Variants in NAALADL2 observed in about 807,000 individuals in gnomAD.
NAALADL2 encodes N-acetylated alpha-linked acidic dipeptidase like 2.
A neutral mutation model predicts 87.2 loss-of-function variants in NAALADL2; 76 were observed. That is an observed-to-expected ratio of 0.87 (90% CI 0.72 to 1.05). The LOEUF (loss-of-function observed/expected upper bound fraction) is 1.05. NAALADL2 is among the 50% of genes least tolerant of loss of function. The pLI, the probability that NAALADL2 is intolerant of heterozygous loss-of-function variation, is 0.00. For missense variants in NAALADL2, 1,089 were observed against 945.8 expected, an observed-to-expected ratio of 1.15 and a Z score of -1.99; for synonymous variants, 354 against 331.0, an observed-to-expected ratio of 1.07 and a Z score of -0.75.
At chr3:175,522,692 A>G (rs1732813356) in intron 9 of NAALADL2, among the ~76,000 whole-genome samples, 1 of 152,206 alleles carries the variant, frequency 6.6e-6, no homozygotes. Flanking sequence ...CACTTCTGAT[A>G]TTGTCTTCTC....
chr3:174,995,493 A>G (rs1747318215), intron 1 of NAALADL2, among the ~76,000 whole-genome samples: 1 of 152,058 alleles, frequency 6.6e-6, no homozygotes, highest in Admixed American at 6.6e-5. Flanking sequence ...ACTTAGGGAG[A>G]GGTATTTGGG....
At chr3:175,374,578 AAAAAAAAG>A (rs1233651865) in intron 5 of NAALADL2, among the ~76,000 whole-genome samples, 5 of 139,920 alleles carry the variant, frequency 3.6e-5, no homozygotes, top group African/African-American at 1.2e-4. Context: ...AAAAAAAAAA[AAAAAAAAG>A]AAAGTTATAT....
At chr3:174,701,509 A>G (rs1414957909) in intron 2 of NAALADL2, among the ~76,000 whole-genome samples, 1 of 152,140 alleles carries the variant, frequency 6.6e-6, no homozygotes, top group Non-Finnish European at 1.5e-5. Flanking sequence ...CAATTTGAGA[A>G]GTTTTGATGT....
intron 3 of NAALADL2, among the ~76,000 whole-genome samples, chr3:174,788,733 G>A (rs1324198306): frequency 6.6e-6 from 1 of 152,130 alleles, no homozygotes; most frequent in African/African-American, 2.4e-5. Context: ...TAAGGAAAAA[G>A]AGGTGATAGA....
chr3:174,716,315 T>A (rs1731184821), intron 2 of NAALADL2, among the ~76,000 whole-genome samples: 1 of 149,830 alleles, frequency 6.7e-6, no homozygotes, highest in African/African-American at 2.5e-5. Context: ...TACTGTCACA[T>A]CTAGTACTCA....
chr3:175,349,475 C>T (rs16825520), intron 5 of NAALADL2, among the ~76,000 whole-genome samples: 16,780 of 152,072 alleles, frequency 0.11, 1,083 homozygotes, highest in Admixed American at 0.15. Flanking sequence ...CTGGAAAAGG[C>T]CCATAGGCCA....
At chr3:174,973,230 C>G (rs988379208) in intron 1 of NAALADL2, among the ~76,000 whole-genome samples, 3 of 151,930 alleles carry the variant, frequency 2.0e-5, no homozygotes, top group African/African-American at 7.3e-5. Context: ...AACACAAAAC[C>G]AAAACATTTT....
At chr3:175,066,432 GT>G (rs1293222588) in intron 1 of NAALADL2, among the ~76,000 whole-genome samples, 1 of 152,046 alleles carries the variant, frequency 6.6e-6, no homozygotes, top group Non-Finnish European at 1.5e-5. Context: ...GGCAGGGACT[GT>G]CTCTTCAGTG....
chr3:175,265,620 G>A (rs914692479), intron 4 of NAALADL2, among the ~76,000 whole-genome samples: 1 of 151,478 alleles, frequency 6.6e-6, no homozygotes, highest in Non-Finnish European at 1.5e-5. Context: ...TGTGGAGGCA[G>A]AATTAAATTA....
At chr3:175,342,505 C>CGT (rs35444340) in intron 5 of NAALADL2, among the ~76,000 whole-genome samples, 22,119 of 146,578 alleles carry the variant, frequency 0.15, 1,599 homozygotes, top group Middle Eastern at 0.23. Context: ...CCAAATATTG[C>CGT]GTGTGTGTGT....
At chr3:174,520,220 A>G (rs1720190911) in intron 1 of NAALADL2, among the ~76,000 whole-genome samples, 1 of 152,206 alleles carries the variant, frequency 6.6e-6, no homozygotes, top group South Asian at 2.1e-4. Context: ...ACAATCCTAA[A>G]GTTCGTATGG....
chr3:175,371,933 T>C (rs1766556688), intron 5 of NAALADL2, among the ~76,000 whole-genome samples: 2 of 152,188 alleles, frequency 1.3e-5, no homozygotes, highest in South Asian at 4.1e-4. Context: ...CCTTCTAGTT[T>C]CCTAATAAGT....
At chr3:175,112,373 C>G (rs1406912322) in intron 2 of NAALADL2, among the ~76,000 whole-genome samples, 2 of 151,590 alleles carry the variant, frequency 1.3e-5, no homozygotes, top group Non-Finnish European at 3.0e-5. Flanking sequence ...AGTTCTCTCT[C>G]TAAAAATTTT....
At chr3:175,697,814 T>C (rs975128691) in intron 11 of NAALADL2, among the ~76,000 whole-genome samples, 1 of 107,158 alleles carries the variant, frequency 9.3e-6, no homozygotes, top group Admixed American at 8.9e-5. Context: ...TATATTTATG[T>C]ATGTATACAT....
intron 1 of NAALADL2, among the ~76,000 whole-genome samples, chr3:174,508,919 G>T (rs1719400460): frequency 1.3e-5 from 2 of 152,064 alleles, no homozygotes; most frequent in Non-Finnish European, 2.9e-5. Flanking sequence ...AATTTTTGTT[G>T]TTATTATATA....
chr3:174,858,177 A>G (rs145998420), upstream of NAALADL2, among the ~76,000 whole-genome samples: 1 of 147,880 alleles, frequency 6.8e-6, no homozygotes, highest in East Asian at 1.9e-4. Flanking sequence ...TTAAATATAT[A>G]ATATATAATT....
intron 3 of NAALADL2, among the ~76,000 whole-genome samples, chr3:174,788,289 A>G (rs1717044526): frequency 6.7e-6 from 1 of 149,396 alleles, no homozygotes; most frequent in Non-Finnish European, 1.5e-5. Context: ...ATGTGACATT[A>G]TTGGGTAGTA....
intron 3 of NAALADL2, among the ~76,000 whole-genome samples, chr3:174,747,028 C>T (rs544120817): frequency 6.6e-6 from 1 of 152,162 alleles, no homozygotes; most frequent in East Asian, 1.9e-4. Flanking sequence ...GCAAAGATTT[C>T]ATGAGAAAAG....
intron 1 of NAALADL2, among the ~76,000 whole-genome samples, chr3:174,929,133 A>C (rs1002912672): frequency 2.0e-5 from 3 of 152,212 alleles, no homozygotes; most frequent in African/African-American, 7.2e-5. Context: ...CAGCATTCCA[A>C]GGAGGGGCAC....
Sources: gnomAD v4.1 joint callset for allele counts (sites outside exome capture counted in the v4.1 genomes callset) on GRCh38, gnomAD v4.1.1 for gene constraint, MANE v1.5 for transcripts, NCBI Gene and HGNC (gene_info 2026-07-23, HGNC 2026-07-21) for gene names.